ERC1: variants seen among roughly 807,000 people sequenced by gnomAD.
ERC1 encodes RAB6 interacting protein 2.
In ERC1, 56 loss-of-function variants were observed where a neutral mutation model predicts 132.0. That is an observed-to-expected ratio of 0.42 (90% CI 0.34 to 0.53). The LOEUF (loss-of-function observed/expected upper bound fraction) is 0.53. ERC1 is among the 20% of genes least tolerant of loss of function. The pLI is 0.03. For missense variants in ERC1, 1,202 were observed against 1,349.9 expected, an observed-to-expected ratio of 0.89 and a Z score of 1.72; for synonymous variants, 478 against 476.1, an observed-to-expected ratio of 1.00 and a Z score of -0.05.
intron 2 of ERC1, among the ~76,000 whole-genome samples, chr12:1,031,589 G>A (rs1465391819): frequency 6.6e-6 from 1 of 152,050 alleles, no homozygotes; most frequent in Non-Finnish European, 1.5e-5. Flanking sequence ...TTCTTTCTCA[G>A]ATACATTATA....
chr12:1,466,271 C>A (rs1237024499), intron 18 of ERC1, among the ~76,000 whole-genome samples: 1 of 152,150 alleles, frequency 6.6e-6, no homozygotes. Context: ...GTGGTCTATC[C>A]TCTCTCCCTG....
chr12:1,429,692 G>C (rs1340083013), intron 17 of ERC1, among the ~76,000 whole-genome samples: 2 of 152,118 alleles, frequency 1.3e-5, no homozygotes, highest in East Asian at 3.9e-4. Context: ...GAAAAACCCA[G>C]GTCTCCAGAG....
At chr12:1,296,892 G>T (rs952258365) in intron 15 of ERC1, among the ~76,000 whole-genome samples, 1 of 152,298 alleles carries the variant, frequency 6.6e-6, no homozygotes, top group African/African-American at 2.4e-5. Flanking sequence ...AAGGATAAAA[G>T]AGTGAGAATG....
At chr12:1,109,849 A>T (rs957091458) in intron 4 of ERC1, among the ~76,000 whole-genome samples, 1 of 152,208 alleles carries the variant, frequency 6.6e-6, no homozygotes, top group Non-Finnish European at 1.5e-5. Context: ...GGAGTTCGAG[A>T]CCAGCCTGGC....
At chr12:1,397,103 A>G (rs1218833774) in intron 16 of ERC1, among the ~76,000 whole-genome samples, 1 of 152,206 alleles carries the variant, frequency 6.6e-6, no homozygotes, top group Non-Finnish European at 1.5e-5. Context: ...CATTCATAGT[A>G]AGATAATGGC....
intron 8 of ERC1, among the ~76,000 whole-genome samples, chr12:1,173,569 GCTT>G (rs1231431359): frequency 1.3e-5 from 2 of 152,050 alleles, no homozygotes; most frequent in Non-Finnish European, 2.9e-5. Context: ...GCTGTTCAAA[GCTT>G]CTTATAAATC....
chr12:1,388,599 A>C (rs2089646414), intron 16 of ERC1, among the ~76,000 whole-genome samples: 1 of 152,156 alleles, frequency 6.6e-6, no homozygotes, highest in South Asian at 2.1e-4. Context: ...CCTGTAGGGG[A>C]TGCCAAGCCA....
chr12:1,230,004 C>CTTTTTTTT (rs754220477), intron 12 of ERC1, among the ~76,000 whole-genome samples: 2 of 107,776 alleles, frequency 1.9e-5, no homozygotes, highest in African/African-American at 3.9e-5. Context: ...CTTTTTGACT[C>CTTTTTTTT]TTTTTTTTTT....
chr12:1,304,967 T>G (rs2080761077), intron 15 of ERC1, among the ~76,000 whole-genome samples: 1 of 151,536 alleles, frequency 6.6e-6, no homozygotes, highest in Admixed American at 6.6e-5. Flanking sequence ...TTTTTTGTAT[T>G]TTTAGTAGAG....
At chr12:1,373,344 A>G (rs1372740725) in intron 16 of ERC1, among the ~76,000 whole-genome samples, 1 of 152,230 alleles carries the variant, frequency 6.6e-6, no homozygotes, top group Non-Finnish European at 1.5e-5. Context: ...TTGAATACAT[A>G]GGCCTATGAT....
intron 1 of ERC1, among the ~76,000 whole-genome samples, chr12:998,969 C>T (rs1247418171): frequency 6.6e-6 from 1 of 150,504 alleles, no homozygotes; most frequent in Non-Finnish European, 1.5e-5. Flanking sequence ...AAGTGATTCT[C>T]CTGCCTTAGC....
chr12:1,247,690 G>A (rs1423334649), intron 13 of ERC1, among the ~76,000 whole-genome samples: 1 of 152,184 alleles, frequency 6.6e-6, no homozygotes, highest in African/African-American at 2.4e-5. Flanking sequence ...TAAACCCGTA[G>A]TTTAATTAGG....
intron 12 of ERC1, among the ~76,000 whole-genome samples, chr12:1,200,123 C>T (rs1349744117): frequency 6.6e-6 from 1 of 152,058 alleles, no homozygotes; most frequent in African/African-American, 2.4e-5. Context: ...TTAAAGATTT[C>T]ACAACTAGTT....
At chr12:1,472,829 A>G (rs2093890137) in intron 18 of ERC1, among the ~76,000 whole-genome samples, 1 of 152,184 alleles carries the variant, frequency 6.6e-6, no homozygotes, top group African/African-American at 2.4e-5. Flanking sequence ...TGTTGTTGAT[A>G]ATACAAGAAA....
At chr12:1,300,759 C>T (rs1364512580) in intron 15 of ERC1, among the ~76,000 whole-genome samples, 1 of 152,100 alleles carries the variant, frequency 6.6e-6, no homozygotes, top group Non-Finnish European at 1.5e-5. Context: ...GAGATACCAT[C>T]TCATGCTAGT....
chr12:1,449,291 G>T (rs2093373346), intron 18 of ERC1, among the ~76,000 whole-genome samples: 1 of 152,198 alleles, frequency 6.6e-6, no homozygotes, highest in Admixed American at 6.5e-5. Flanking sequence ...GGGAAGGCAT[G>T]ATTGTGTTTT....
intron 16 of ERC1, among the ~76,000 whole-genome samples, chr12:1,406,766 A>T (rs1293053371): frequency 2.6e-5 from 4 of 152,094 alleles, no homozygotes; most frequent in Non-Finnish European, 5.9e-5. Flanking sequence ...CCAGCTACTC[A>T]GGAGGCTGAG....
chr12:1,340,282 C>G (rs930664209), intron 15 of ERC1, among the ~76,000 whole-genome samples: 5 of 152,126 alleles, frequency 3.3e-5, no homozygotes, highest in African/African-American at 1.2e-4. Flanking sequence ...GAGTTCAGGT[C>G]TTGCAGAGGT....
At chr12:1,385,153 A>G (rs756700315) in intron 16 of ERC1, among the ~76,000 whole-genome samples, 1 of 152,238 alleles carries the variant, frequency 6.6e-6, no homozygotes. Context: ...CAGTGAAAGG[A>G]CACAGTTGCA....
Sources: allele counts gnomAD v4.1 joint callset (sites outside exome capture counted in the v4.1 genomes callset), GRCh38; gene constraint gnomAD v4.1.1; transcripts MANE v1.5; gene names NCBI Gene and HGNC (gene_info 2026-07-23, HGNC 2026-07-21).